The following CAMTA1 variants were observed in gnomAD, a reference collection of about 807,000 sequenced individuals.
The protein encoded by CAMTA1 is calmodulin-binding transcription activator 1.
Under a neutral mutation model 170.9 loss-of-function variants are expected in CAMTA1, and 27 were observed. That is an observed-to-expected ratio of 0.16 (90% CI 0.12 to 0.22). The LOEUF is 0.22. Ranked by LOEUF, CAMTA1 falls within the 10% of genes least tolerant of loss-of-function variation. The pLI is 1.00. For synonymous variants in CAMTA1, 833 were observed against 891.5 expected, an observed-to-expected ratio of 0.93 and a Z score of 1.17; for missense variants, 1,619 against 2,217.2, an observed-to-expected ratio of 0.73 and a Z score of 5.42.
chr1:7,106,420 C>T (rs1273967690), intron 4 of CAMTA1, among the ~76,000 whole-genome samples: 1 of 152,106 alleles, frequency 6.6e-6, no homozygotes, highest in East Asian at 1.9e-4. Flanking sequence ...ATTCAGTTTT[C>T]TTTCTCCTGT....
chr1:6,991,415 G>A (rs1428985807), intron 3 of CAMTA1, among the ~76,000 whole-genome samples: 2 of 152,096 alleles, frequency 1.3e-5, no homozygotes, highest in Non-Finnish European at 2.9e-5. Flanking sequence ...CTTAATTTCA[G>A]CCATTCTGAT....
intron 3 of CAMTA1, among the ~76,000 whole-genome samples, chr1:7,024,324 C>T (rs1424282675): frequency 6.6e-6 from 1 of 152,060 alleles, no homozygotes; most frequent in Non-Finnish European, 1.5e-5. Flanking sequence ...GTGGGCACAT[C>T]AGGGTGAAAC....
chr1:7,313,889 G>A (rs1677105525), intron 5 of CAMTA1, among the ~76,000 whole-genome samples: 1 of 152,164 alleles, frequency 6.6e-6, no homozygotes, highest in African/African-American at 2.4e-5. Flanking sequence ...GGAAGGCAGC[G>A]AGAAAGCAGT....
Position 7,276,303 on chromosome 1 carries a change from A to ATATATATATATATAATTTTTTTTTTTTT in CAMTA1, c.438+26678_438+26679insATATATATATATAATTTTTTTTTTTTTT. On this transcript the variant is annotated intron_variant, in intron 5 of 22. Coordinates refer to ENST00000303635, the MANE Select transcript of CAMTA1 (RefSeq NM_015215.4). ...CATATATATATATATATATATATAT[A>ATATATATATATATAATTTTTTTTTTTTT]TTTTTTTTTTTTTTTTTTCTTTTTG... Among the ~76,000 whole-genome samples the ATATATATATATATAATTTTTTTTTTTTT allele has an allele frequency of 8.3e-5, 2 of 24,228 alleles. 1 individual carries two copies. Among genetic ancestry groups the ATATATATATATATAATTTTTTTTTTTTT allele is most frequent in the African/African-American group, 5.9e-4 (2 of 3,362 alleles). 15.9% of individuals were successfully genotyped at this position (24,228 alleles called of 152,430 possible). A position where few individuals can be genotyped will look rare whatever the true frequency, so the allele number is the denominator to read the frequency against.
At chr1:7,244,928 T>A (rs985040262) in intron 4 of CAMTA1, among the ~76,000 whole-genome samples, 4 of 151,806 alleles carry the variant, frequency 2.6e-5, no homozygotes, top group Non-Finnish European at 4.4e-5. Flanking sequence ...ATAAATTAAT[T>A]AATTAATTAA....
intron 6 of CAMTA1, among the ~76,000 whole-genome samples, chr1:7,484,849 A>G (rs752122565): frequency 6.6e-6 from 1 of 151,878 alleles, no homozygotes; most frequent in Non-Finnish European, 1.5e-5. Context: ...ACCACGTGAT[A>G]ACCCCTGATA....
At chr1:7,392,752 T>C (rs1219086415) in intron 5 of CAMTA1, among the ~76,000 whole-genome samples, 2 of 151,998 alleles carry the variant, frequency 1.3e-5, no homozygotes, top group Non-Finnish European at 2.9e-5. Context: ...CAGGCACCTG[T>C]AGTCCCAGCT....
chr1:7,392,315 G>T (rs1455607593), intron 5 of CAMTA1, among the ~76,000 whole-genome samples: 1 of 148,714 alleles, frequency 6.7e-6, no homozygotes, highest in Admixed American at 6.8e-5. Flanking sequence ...GAACGCAATG[G>T]TGCAATCTCA....
intron 3 of CAMTA1, among the ~76,000 whole-genome samples, chr1:6,981,078 A>T (rs1694361364): frequency 6.6e-6 from 1 of 152,064 alleles, no homozygotes; most frequent in African/African-American, 2.4e-5. Context: ...CTCTGAGAAC[A>T]GCCCCCAATG....
intron 11 of CAMTA1, among the ~76,000 whole-genome samples, chr1:7,716,715 T>C (rs749511834): frequency 3.9e-5 from 6 of 152,152 alleles, no homozygotes; most frequent in African/African-American, 1.2e-4. Context: ...TCCTAAATAA[T>C]GTATGGAGAA....
chr1:7,670,042 T>A (rs61772086), intron 9 of CAMTA1, among the ~76,000 whole-genome samples: 10,006 of 152,164 alleles, frequency 0.066, 493 homozygotes, highest in Middle Eastern at 0.26. Context: ...CTTCCGATGC[T>A]CTCCTGCCCC....
intron 4 of CAMTA1, among the ~76,000 whole-genome samples, chr1:7,148,959 G>A (rs958038347): frequency 2.6e-5 from 4 of 152,256 alleles, no homozygotes; most frequent in Non-Finnish European, 4.4e-5. Flanking sequence ...CACAGAGAAG[G>A]CCTTGCTGGC....
chr1:7,620,532 G>GCAAAGGAAAGAAAAA (rs2095590763), intron 6 of CAMTA1, among the ~76,000 whole-genome samples: 1 of 152,082 alleles, frequency 6.6e-6, no homozygotes, highest in African/African-American at 2.4e-5. Context: ...TTTACCTCTG[G>GCAAAGGAAAGAAAAA]CAAAACAAAG....
chr1:7,164,955 C>A (rs142015315), intron 4 of CAMTA1, among the ~76,000 whole-genome samples: 1 of 152,290 alleles, frequency 6.6e-6, no homozygotes, highest in African/African-American at 2.4e-5. Context: ...GTCCCTTTGT[C>A]CCTTTCGGAA....
At chr1:7,708,049 G>A (rs751469089) in intron 11 of CAMTA1, among the ~76,000 whole-genome samples, 5 of 152,096 alleles carry the variant, frequency 3.3e-5, no homozygotes, top group African/African-American at 7.2e-5. Flanking sequence ...TTAAAAATAC[G>A]GCCAGGTGTG....
chr1:7,517,284 C>T (rs1002644505), intron 6 of CAMTA1, among the ~76,000 whole-genome samples: 3 of 152,170 alleles, frequency 2.0e-5, no homozygotes, highest in African/African-American at 7.2e-5. Context: ...TCTGGTTATA[C>T]CCTTGGGATA....
chr1:7,365,904 C>T (rs2085927066), intron 5 of CAMTA1, among the ~76,000 whole-genome samples: 1 of 152,188 alleles, frequency 6.6e-6, no homozygotes, highest in Admixed American at 6.5e-5. Context: ...GGAGGCTGCT[C>T]CCTCCGCGCA....
At chr1:7,699,294 C>A (rs372033246) in intron 11 of CAMTA1, among the ~76,000 whole-genome samples, 2 of 152,124 alleles carry the variant, frequency 1.3e-5, no homozygotes, top group Non-Finnish European at 1.5e-5. Context: ...TCAGCTCCCC[C>A]CCACCACCCT....
Position 7,747,792 on chromosome 1 carries a change from GT to G in CAMTA1, c.4689+15del. On this transcript the variant is annotated intron_variant, in intron 19 of 22. Transcript: ENST00000303635. ...AGAAAATATAAACAGGTAAACCTCA[GT>G]TTTGCACCACAGAAGGAAACTGTGC... The G allele has an allele frequency of 1.2e-6, 2 of 1,600,802 alleles. No individual in the cohort carries two copies. Among genetic ancestry groups the G allele is most frequent in the Non-Finnish European group, 8.5e-7 (1 of 1,171,914 alleles).
Sources: allele counts gnomAD v4.1 joint callset (sites outside exome capture counted in the v4.1 genomes callset), GRCh38; gene constraint gnomAD v4.1.1; transcripts MANE v1.5; gene names NCBI Gene and HGNC (gene_info 2026-07-23, HGNC 2026-07-21).